The following VPS41 variants were observed in gnomAD, a reference collection of about 807,000 sequenced individuals.
VPS41 encodes the protein VPS41 subunit of HOPS complex, also known as vacuolar protein sorting-associated protein 41 homolog.
A neutral mutation model predicts 130.9 loss-of-function variants in VPS41; 85 were observed. That is an observed-to-expected ratio of 0.65 (90% CI 0.55 to 0.78). VPS41 has a LOEUF of 0.78. Among genes scored for constraint, VPS41 ranks in the 30% least tolerant of loss-of-function variants. VPS41 has a pLI of 0.00. For synonymous variants in VPS41, 335 were observed against 332.9 expected (o/e 1.01, Z -0.07); for missense variants, 874 against 1,018.7 (o/e 0.86, Z 1.93).
chr7:38,785,631 A>C (rs1361661021), intron 10 of VPS41, among the ~76,000 whole-genome samples: 1 of 152,240 alleles, frequency 6.6e-6, no homozygotes, highest in Non-Finnish European at 1.5e-5. Flanking sequence ...AGGCATTGCC[A>C]ATGACCTGCT....
intron 17 of VPS41, among the ~76,000 whole-genome samples, chr7:38,762,906 A>G (rs996708479): frequency 2.0e-5 from 3 of 152,218 alleles, no homozygotes; most frequent in African/African-American, 7.2e-5. Context: ...AAAGTGTTCC[A>G]GATATGAAAT....
rs146982188 is a variant in VPS41, at chr7:38,800,565, G to A, written c.451-3701C>T. 3.4e-4 allele frequency among the ~76,000 whole-genome samples: 52 copies of A among 152,224 alleles called. No homozygotes were observed. The East Asian group carries it at 8.7e-3, about 25-fold the overall frequency. On this transcript the variant is annotated intron_variant, in intron 7 of 28. Coordinates refer to ENST00000310301, the MANE Select transcript of VPS41 (RefSeq NM_014396.4). The stretch of plus-strand genomic sequence containing the variant: ...AAATTCACTGGAGATTGGGTGCAGC[G>A]GCTCATGCCTGTAATCCCAGCATTT...
In VPS41 at chr7:38,726,224, G is replaced by C. The variant is rs1795539109; in HGVS notation, c.*22C>G. On this transcript the variant is annotated 3_prime_UTR_variant, in exon 29 of 29. Coordinates refer to ENST00000310301, the MANE Select transcript of VPS41 (RefSeq NM_014396.4). ...CAGTCTCAAAAAGAGTGGTGACAAG[G>C]AGACTGACAAGGAGAAATGAGCTAT... is the stretch of plus-strand genomic sequence containing the variant. 3 of 1,568,758 alleles carry C rather than the reference G, an allele frequency of 1.9e-6. No homozygotes were observed. Among genetic ancestry groups the C allele is most frequent in the Non-Finnish European group, 2.6e-6 (3 of 1,138,780 alleles).
At chr7:38,839,597 T>G (rs1247565661) in intron 4 of VPS41, among the ~76,000 whole-genome samples, 1 of 151,774 alleles carries the variant, frequency 6.6e-6, no homozygotes, top group Non-Finnish European at 1.5e-5. Flanking sequence ...TCCAGCTAAT[T>G]TTTTTGTATT....
In VPS41 at chr7:38,743,465, C is replaced by T. The variant is rs1358430605; in HGVS notation, c.2059G>A (p.Ala687Thr). Reference protein sequence around the residue: ...LHDVDKAIEFAKEQDDGELWE... With the variant: ...LHDVDKAIEFTKEQDDGELWE... ...AGCTCTCCATCATCTTGCTCCTTGG[C>T]AAATTCGATTGCTTTATCAACATCA... Residue 687 changes from alanine to threonine, a missense_variant, in exon 24 of 29, where the codon GCC (alanine) becomes ACC (threonine). Ala to Thr is a moderately conservative substitution (Grantham distance 58). Transcript: ENST00000310301. 6.2e-7 allele frequency: 1 copy of T among 1,613,906 alleles called. No individual in the cohort carries two copies. The highest frequency in any genetic ancestry group is 2.2e-5 in the East Asian group (1 of 44,878).
chr7:38,837,978 C>T lies in VPS41; in HGVS notation c.247-7650G>A, dbSNP rs76576727. Among the ~76,000 whole-genome samples the T allele has an allele frequency of 8.0e-3, 1,214 of 152,132 alleles. 18 individuals are homozygous for T. The highest frequency in any genetic ancestry group is 0.028 in the African/African-American group (1,161 of 41,514). ...CAGATATCAAATATAATATTTAAAA[C>T]CATGATTGCAGGAACTTACATGCAT... On this transcript the variant is annotated intron_variant, in intron 4 of 28. Transcript: ENST00000310301.
At chr7:38,795,695 C>A in intron 8 of VPS41, 84 bp from the exon 9 acceptor site, 1 of 1,214,732 alleles carries the variant, frequency 8.2e-7, no homozygotes, top group Non-Finnish European at 1.2e-6. Flanking sequence ...TACATACTAC[C>A]AATAACCAGC....
chr7:38,904,293 C>T (rs1584456415), intron 1 of VPS41, among the ~76,000 whole-genome samples: 1 of 152,040 alleles, frequency 6.6e-6, no homozygotes, highest in Non-Finnish European at 1.5e-5. Flanking sequence ...GGCCTCTAGC[C>T]GACCAATTCA....
At chr7:38,815,520 C>T (rs1785029232) in intron 7 of VPS41, among the ~76,000 whole-genome samples, 1 of 152,172 alleles carries the variant, frequency 6.6e-6, no homozygotes, top group Admixed American at 6.5e-5. Flanking sequence ...GCTATTATCA[C>T]TGTGATGGTT....
chr7:38,750,793 G>A (rs1344705493), intron 22 of VPS41, among the ~76,000 whole-genome samples: 1 of 151,846 alleles, frequency 6.6e-6, no homozygotes, highest in Non-Finnish European at 1.5e-5. Context: ...CTTGTGCTTA[G>A]GGAATGGGAA....
chr7:38,813,637 A>G (rs922923975), intron 7 of VPS41, among the ~76,000 whole-genome samples: 11 of 152,190 alleles, frequency 7.2e-5, no homozygotes, highest in Non-Finnish European at 1.6e-4. Flanking sequence ...AATATCATAC[A>G]TGTGCTTTTC....
intron 2 of VPS41, among the ~76,000 whole-genome samples, chr7:38,876,672 T>C (rs1489342855): frequency 7.1e-6 from 1 of 141,240 alleles, no homozygotes; most frequent in Non-Finnish European, 1.7e-5. Flanking sequence ...AAAGCTGCTT[T>C]GCTTTACCGT....
intron 4 of VPS41, chr7:38,831,474 G>A (rs985163511): frequency 8.9e-6 from 2 of 225,978 alleles, no homozygotes; most frequent in South Asian, 5.6e-5. Flanking sequence ...ACTGGAGAGC[G>A]TTGTTCTGTG....
At chr7:38,874,924 T>C (rs1786454867) in intron 2 of VPS41, among the ~76,000 whole-genome samples, 1 of 152,154 alleles carries the variant, frequency 6.6e-6, no homozygotes, top group African/African-American at 2.4e-5. Context: ...ATTTGAATTT[T>C]AGGAAATTTG....
intron 10 of VPS41, among the ~76,000 whole-genome samples, chr7:38,785,603 T>C (rs1165004981): frequency 6.6e-6 from 1 of 152,210 alleles, no homozygotes; most frequent in Non-Finnish European, 1.5e-5. Context: ...GCACATTGCT[T>C]AGACAAAAGA....
intron 3 of VPS41, among the ~76,000 whole-genome samples, chr7:38,863,352 T>C (rs888658302): frequency 2.6e-5 from 4 of 152,200 alleles, no homozygotes; most frequent in Non-Finnish European, 5.9e-5. Flanking sequence ...TTTCTTCCTT[T>C]TTATTTATTT....
At chr7:38,809,579 T>C (rs182701188) in intron 7 of VPS41, among the ~76,000 whole-genome samples, 40 of 152,288 alleles carry the variant, frequency 2.6e-4, no homozygotes, top group South Asian at 8.3e-4. Flanking sequence ...TGGAAGCTTA[T>C]AGAAGCTGGC....
At chr7:38,796,274 T>C (rs946283997) in intron 8 of VPS41, 1 of 331,870 alleles carries the variant, frequency 3.0e-6, no homozygotes, top group Non-Finnish European at 5.9e-6. Context: ...TCATAGCAAG[T>C]AAACTTTAAG....
At chr7:38,882,057 T>C (rs1049281670) in intron 2 of VPS41, among the ~76,000 whole-genome samples, 15 of 152,042 alleles carry the variant, frequency 9.9e-5, no homozygotes, top group Non-Finnish European at 2.1e-4. Context: ...AGTACAAGAA[T>C]TTCTCAGGGC....
Sources: gnomAD v4.1 joint callset for allele counts (sites outside exome capture counted in the v4.1 genomes callset) on GRCh38, gnomAD v4.1.1 for gene constraint, MANE v1.5 for transcripts, NCBI Gene and HGNC (gene_info 2026-07-23, HGNC 2026-07-21) for gene names.